Variants in WASF2 observed in about 807,000 individuals in gnomAD.
The protein encoded by WASF2 is WASP family member 2.
Under a neutral mutation model 45.0 loss-of-function variants are expected in WASF2, and 14 were observed. That is an observed-to-expected ratio of 0.31 (90% CI 0.21 to 0.49). WASF2 has a LOEUF of 0.49. Among genes scored for constraint, WASF2 ranks in the 20% least tolerant of loss-of-function variants. The pLI is 0.99. For synonymous variants in WASF2, 200 were observed against 236.3 expected (o/e 0.85, Z 1.41); for missense variants, 439 against 636.1 (o/e 0.69, Z 3.33).
chr1:27,464,403 T>C (rs2017587923), intron 1 of WASF2, among the ~76,000 whole-genome samples: 1 of 152,080 alleles, frequency 6.6e-6, no homozygotes, highest in Non-Finnish European at 1.5e-5. Context: ...AGTACTTTCA[T>C]ATCTTTCATT....
At chr1:27,431,355 C>T (rs971193174) in intron 1 of WASF2, among the ~76,000 whole-genome samples, 6 of 152,126 alleles carry the variant, frequency 3.9e-5, no homozygotes, top group African/African-American at 1.4e-4. Context: ...TACTAAGATG[C>T]AATCTTCAGT....
At chr1:27,424,751 G>A (rs2016953528) in intron 2 of WASF2, among the ~76,000 whole-genome samples, 1 of 152,054 alleles carries the variant, frequency 6.6e-6, no homozygotes, top group Non-Finnish European at 1.5e-5. Flanking sequence ...AAATTCCAGG[G>A]CCCAAGCAAT....
At chr1:27,477,919 TAAAA>T (rs559633033) in intron 1 of WASF2, among the ~76,000 whole-genome samples, 37 of 125,714 alleles carry the variant, frequency 2.9e-4, no homozygotes, top group Admixed American at 1.4e-3. Context: ...AATAAATAAA[TAAAA>T]AAAAAAATAA....
rs2016658722 is a variant in WASF2 at position 27,405,598 on chromosome 1, C to A, written c.*2591G>T. 4.3e-5 allele frequency: 4 copies of A among 92,742 alleles called. No homozygotes were observed. In the South Asian group the frequency reaches 2.0e-3, roughly 47 times the overall value. 5.7% of individuals were successfully genotyped at this position (92,742 alleles called of 1,614,324 possible). On this transcript the variant is annotated 3_prime_UTR_variant, in exon 9 of 9. Coordinates refer to ENST00000618852, the MANE Select transcript of WASF2 (RefSeq NM_006990.5). ...TTAAAGGGCTCTGGGTCTAAAGAAG[C>A]CTTTTTTTTTTTTTTTTTTTTTTTT...
At chr1:27,461,588 G>A (rs924987093) in intron 1 of WASF2, among the ~76,000 whole-genome samples, 6 of 150,710 alleles carry the variant, frequency 4.0e-5, no homozygotes, top group African/African-American at 1.5e-4. Flanking sequence ...TCAGCCTCCC[G>A]AGCAGCTGGG....
At chr1:27,432,420 G>A (rs937808829) in intron 1 of WASF2, among the ~76,000 whole-genome samples, 6 of 151,778 alleles carry the variant, frequency 4.0e-5, no homozygotes, top group Non-Finnish European at 7.4e-5. Flanking sequence ...AGGCCGAGGC[G>A]GGCGGATCAC....
chr1:27,447,848 C>A (rs1475363533), intron 1 of WASF2, among the ~76,000 whole-genome samples: 1 of 152,134 alleles, frequency 6.6e-6, no homozygotes, highest in African/African-American at 2.4e-5. Context: ...GTATTTTGTA[C>A]AAAATATATC....
chr1:27,476,693 A>G (rs1298482233), intron 1 of WASF2, among the ~76,000 whole-genome samples: 2 of 152,248 alleles, frequency 1.3e-5, no homozygotes. Flanking sequence ...GTTGTGACAC[A>G]GTCCCTTCTC....
intron 1 of WASF2, among the ~76,000 whole-genome samples, chr1:27,457,981 A>G (rs1342512666): frequency 2.0e-5 from 3 of 152,022 alleles, no homozygotes; most frequent in African/African-American, 7.2e-5. Context: ...TCTTTTGGAC[A>G]GGAGATTGTG....
intron 1 of WASF2, among the ~76,000 whole-genome samples, chr1:27,442,129 AAAAT>A (rs1417885464): frequency 1.3e-5 from 2 of 151,842 alleles, no homozygotes; most frequent in Non-Finnish European, 2.9e-5. Flanking sequence ...AATAGTAAAT[AAAAT>A]AAATAATCAA....
In WASF2 at chr1:27,448,463, G is replaced by GT. The variant is rs1195174041; in HGVS notation, c.-43-19531dup. Among the ~76,000 whole-genome samples, 3 of 152,260 alleles carry GT rather than the reference G, an allele frequency of 2.0e-5. No homozygotes were observed. In the East Asian group the frequency reaches 5.8e-4, roughly 29 times the overall value. On this transcript the variant is annotated intron_variant, in intron 1 of 8. Transcript: ENST00000618852. Reference sequence around the variant, plus strand: ...AAGAAATAAAAAGTGATGAAACTCAGTTACTCAAAAGACAATAGTAAAACA... The same window carrying GT: ...AAGAAATAAAAAGTGATGAAACTCAGTTTACTCAAAAGACAATAGTAAAACA...
At chr1:27,413,217 A>C (rs1299466007) in intron 6 of WASF2, among the ~76,000 whole-genome samples, 3 of 152,188 alleles carry the variant, frequency 2.0e-5, no homozygotes, top group Non-Finnish European at 2.9e-5. Flanking sequence ...CAAGCTGAGG[A>C]TGAATGCAGG....
At chr1:27,448,588 C>T (rs146882413) in intron 1 of WASF2, among the ~76,000 whole-genome samples, 3,828 of 152,142 alleles carry the variant, frequency 0.025, 91 homozygotes, top group Non-Finnish European at 0.038. Flanking sequence ...CAATAGCTCA[C>T]GCCTGTAATC....
At chr1:27,432,525 G>A (rs1431367555) in intron 1 of WASF2, among the ~76,000 whole-genome samples, 2 of 151,370 alleles carry the variant, frequency 1.3e-5, no homozygotes, top group African/African-American at 4.9e-5. Context: ...GCAGGCGCCT[G>A]TAGTCCCAGC....
intron 1 of WASF2, among the ~76,000 whole-genome samples, chr1:27,482,875 G>A (rs2017871396): frequency 6.6e-6 from 1 of 152,058 alleles, no homozygotes; most frequent in East Asian, 1.9e-4. Flanking sequence ...GCTCACAACA[G>A]GGAGAAATCT....
intron 1 of WASF2, among the ~76,000 whole-genome samples, chr1:27,464,013 C>T (rs575451771): frequency 1.0e-3 from 156 of 151,640 alleles, no homozygotes; most frequent in African/African-American, 3.6e-3. Context: ...TCAGGTGATC[C>T]GCCCACCTCA....
chr1:27,425,481 T>A (rs1296069888), intron 2 of WASF2, among the ~76,000 whole-genome samples: 1 of 152,124 alleles, frequency 6.6e-6, no homozygotes, highest in Non-Finnish European at 1.5e-5. Flanking sequence ...GGCGGTTGGA[T>A]CACCTGAGGT....
rs1200022149 is a variant in WASF2 at position 27,410,941 on chromosome 1, A to C, written c.825-735T>G. Among the ~76,000 whole-genome samples the C allele has an allele frequency of 1.3e-5, 2 of 152,230 alleles. No homozygotes were observed. Among genetic ancestry groups the C allele is most frequent in the African/African-American group, 4.8e-5 (2 of 41,460 alleles). On this transcript the variant is annotated intron_variant, in intron 7 of 8. Coordinates refer to ENST00000618852, the MANE Select transcript of WASF2 (RefSeq NM_006990.5). The surrounding 1 kb of genome is among the most constrained non-coding windows in gnomAD (Gnocchi z 4.2). ...CTGCAAGGTCTCAGGCCATGTGTGAAGCTGAAGGTTTTCTTTTTCCACCTT... is the reference window on the plus strand; with the variant it reads ...CTGCAAGGTCTCAGGCCATGTGTGACGCTGAAGGTTTTCTTTTTCCACCTT...
At chr1:27,446,495 C>T (rs1232166253) in intron 1 of WASF2, among the ~76,000 whole-genome samples, 1 of 152,114 alleles carries the variant, frequency 6.6e-6, no homozygotes, top group African/African-American at 2.4e-5. Flanking sequence ...AACTCCAAGA[C>T]AAAATTTGTT....
Sources: allele counts gnomAD v4.1 joint callset (sites outside exome capture counted in the v4.1 genomes callset), GRCh38; gene constraint gnomAD v4.1.1; non-coding constraint Gnocchi (gnomAD v3.1); transcripts MANE v1.5; gene names NCBI Gene and HGNC (gene_info 2026-07-23, HGNC 2026-07-21).